Variants in SEC61A2 observed in about 807,000 individuals in gnomAD.
SEC61A2 encodes the protein protein transport protein Sec61 subunit alpha isoform 2.
A neutral mutation model predicts 59.9 loss-of-function variants in SEC61A2; 28 were observed. The observed-to-expected ratio is 0.47, with a 90% CI of 0.35 to 0.64. SEC61A2 has a LOEUF of 0.64. Ranked by LOEUF, SEC61A2 falls within the 30% of genes least tolerant of loss-of-function variation. The pLI, the probability that SEC61A2 is intolerant of heterozygous loss-of-function variation, is 0.01. For synonymous variants in SEC61A2, 202 were observed against 214.4 expected (o/e 0.94, Z 0.50); for missense variants, 340 against 585.9 (o/e 0.58, Z 4.33).
chr10:12,140,192 T>C (rs960007836), intron 3 of SEC61A2, among the ~76,000 whole-genome samples: 3 of 152,180 alleles, frequency 2.0e-5, no homozygotes, highest in Admixed American at 6.5e-5. Context: ...CTGTCTGTAA[T>C]TGGCTGAAAC....
rs941461373 is a variant in SEC61A2, at chr10:12,158,449, G to A, written c.975+344G>A. Reference sequence around the variant, plus strand: ...TGCTTTCTAAAAGATGCTATTTGCTGGCTGGGTGCGGTGGCTCACTCCTGT... The same window carrying A: ...TGCTTTCTAAAAGATGCTATTTGCTAGCTGGGTGCGGTGGCTCACTCCTGT... On this transcript the variant is annotated intron_variant, in intron 9 of 11. Transcript: ENST00000298428. This position sits in a 1 kb window ranked among gnomAD's most constrained non-coding sequence, Gnocchi z 5.7. Among the ~76,000 whole-genome samples, 1 of 152,140 alleles carries A rather than the reference G, an allele frequency of 6.6e-6. No individual in the cohort carries two copies. Among genetic ancestry groups the A allele is most frequent in the African/African-American group, 2.4e-5 (1 of 41,406 alleles).
chr10:12,166,233 C>T (rs1834686904), downstream of SEC61A2: 1 of 153,062 alleles, frequency 6.5e-6, no homozygotes, highest in Non-Finnish European at 1.5e-5. Context: ...CTGGGCTGCG[C>T]CCGTCTACGG....
At chr10:12,132,573 C>T (rs138905695) in intron 1 of SEC61A2, among the ~76,000 whole-genome samples, 81 of 151,186 alleles carry the variant, frequency 5.4e-4, no homozygotes, top group Non-Finnish European at 8.1e-4. Context: ...GAGATCGTGC[C>T]GCTGAACTGC....
rs1834381672 is a variant in SEC61A2, at chr10:12,155,689, C to T, written c.463-89C>T. On this transcript the variant is annotated intron_variant, in intron 6 of 11. Transcript: ENST00000298428. The surrounding 1 kb of genome is among the most constrained non-coding windows in gnomAD (Gnocchi z 4.3). ...CGATCAGGCCTTAATATTCAAAACG[C>T]CCCTAGCTTGGAAATAGCCAATGGT... The T allele has an allele frequency of 4.7e-6, 7 of 1,477,170 alleles. No individual in the cohort carries two copies. Among genetic ancestry groups the T allele is most frequent in the Non-Finnish European group, 5.6e-6 (6 of 1,066,366 alleles). The allele number at this position is 1,477,170 out of a possible 1,614,324, so 91.5% of individuals were successfully genotyped here. A position where few individuals can be genotyped will look rare whatever the true frequency, so the allele number is the denominator to read the frequency against.
At chr10:12,139,117 A>G (rs1260058947) in intron 3 of SEC61A2, among the ~76,000 whole-genome samples, 1 of 151,976 alleles carries the variant, frequency 6.6e-6, no homozygotes, top group East Asian at 2.0e-4. Flanking sequence ...ACGTGCTACC[A>G]TGCCCAGCCA....
At chr10:12,144,789 G>A (rs1346764876) in intron 4 of SEC61A2, among the ~76,000 whole-genome samples, 1 of 152,166 alleles carries the variant, frequency 6.6e-6, no homozygotes, top group Non-Finnish European at 1.5e-5. Flanking sequence ...AGGGGCTCAT[G>A]CCTGTGATCC....
At chr10:12,140,053 A>C (rs1490865245) in intron 3 of SEC61A2, among the ~76,000 whole-genome samples, 1 of 152,028 alleles carries the variant, frequency 6.6e-6, no homozygotes, top group Non-Finnish European at 1.5e-5. Context: ...GGGTGTGGGC[A>C]GTGAGCTTTT....
rs917461184 is a variant in SEC61A2, at chr10:12,160,019, T to C, written c.976-911T>C. On this transcript the variant is annotated intron_variant, in intron 9 of 11. Coordinates refer to ENST00000298428, the MANE Select transcript of SEC61A2 (RefSeq NM_018144.4). This position sits in a 1 kb window ranked among gnomAD's most constrained non-coding sequence, Gnocchi z 4.1. The stretch of plus-strand genomic sequence containing the variant: ...TTTAAGAGAAATGTGATGATCTCTG[T>C]TGTATTCTGGCTAATATTATATCGA... Among the ~76,000 whole-genome samples the C allele has an allele frequency of 2.0e-5, 3 of 152,228 alleles. No individual in the cohort carries two copies. The highest frequency in any genetic ancestry group is 7.2e-5 in the African/African-American group (3 of 41,470).
At position 12,143,235 on chromosome 10, in the gene SEC61A2, C is replaced by T. The variant is rs1308470784; in HGVS notation, c.220+40C>T. ...TCTGTCTCCACACTCCTACTCACAG[C>T]AAACAGATGGAAACATGTGGATTAG... On this transcript the variant is annotated intron_variant, in intron 4 of 11. Coordinates refer to ENST00000298428, the MANE Select transcript of SEC61A2 (RefSeq NM_018144.4). The surrounding 1 kb of genome is among the most constrained non-coding windows in gnomAD (Gnocchi z 4.8). The T allele has an allele frequency of 7.4e-7, 1 of 1,357,332 alleles. No individual in the cohort carries two copies. Among genetic ancestry groups the T allele is most frequent in the African/African-American group, 1.4e-5 (1 of 69,734 alleles). 84.1% of individuals were successfully genotyped at this position (1,357,332 alleles called of 1,614,324 possible). A position where few individuals can be genotyped will look rare whatever the true frequency, so the allele number is the denominator to read the frequency against.
chr10:12,169,127 C>T (rs1392486978), downstream of SEC61A2: 16 of 563,588 alleles, frequency 2.8e-5, no homozygotes, highest in Middle Eastern at 3.1e-4. The surrounding 1 kb of genome is among the most constrained non-coding windows in gnomAD (Gnocchi z 4.8). Flanking sequence ...GTTGAATAAA[C>T]GGTTTGATTA....
chr10:12,138,847 A>T (rs1156835109), intron 3 of SEC61A2, among the ~76,000 whole-genome samples: 1 of 152,198 alleles, frequency 6.6e-6, no homozygotes, highest in Non-Finnish European at 1.5e-5. Flanking sequence ...CTTTCTGTGG[A>T]TATTTTTCAT....
At position 12,152,221 on chromosome 10, in the gene SEC61A2, C is replaced by A. The variant is rs1463080853; in HGVS notation, c.462+2260C>A. Reference sequence around the variant, plus strand: ...TCAGCCTCCCCGGTAGCTGGAATTACAGGGTCCTGCCACCACGTCCAGCTA... The same window carrying A: ...TCAGCCTCCCCGGTAGCTGGAATTAAAGGGTCCTGCCACCACGTCCAGCTA... On this transcript the variant is annotated intron_variant, in intron 6 of 11. Coordinates refer to ENST00000298428, the MANE Select transcript of SEC61A2 (RefSeq NM_018144.4). This position sits in a 1 kb window ranked among gnomAD's most constrained non-coding sequence, Gnocchi z 5.5. Among the ~76,000 whole-genome samples the A allele has an allele frequency of 6.6e-6, 1 of 152,084 alleles. No individual in the cohort carries two copies. Among genetic ancestry groups the A allele is most frequent in the Non-Finnish European group, 1.5e-5 (1 of 68,030 alleles).
At position 12,158,769 on chromosome 10, in the gene SEC61A2, C is replaced by T. The variant is rs1564415827; in HGVS notation, c.975+664C>T. 6.6e-6 allele frequency among the ~76,000 whole-genome samples: 1 copy of T among 152,070 alleles called. No individual in the cohort carries two copies. Among genetic ancestry groups the T allele is most frequent in the Non-Finnish European group, 1.5e-5 (1 of 68,010 alleles). ...AAAAAATGCTATTTGCTGCTGCTAACATGTGAGATACTGGACTCATCCTAA... is the reference window on the plus strand; with the variant it reads ...AAAAAATGCTATTTGCTGCTGCTAATATGTGAGATACTGGACTCATCCTAA... On this transcript the variant is annotated intron_variant, in intron 9 of 11. Transcript: ENST00000298428. The surrounding 1 kb of genome is among the most constrained non-coding windows in gnomAD (Gnocchi z 5.7).
Position 12,164,266 on chromosome 10 carries a change from A to G in SEC61A2, c.1245-2A>G, listed in dbSNP as rs1481825993. On this transcript the variant is annotated splice_acceptor_variant, in intron 11 of 11. Transcript: ENST00000298428. LOFTEE classifies it high-confidence loss of function. This position sits in a 1 kb window ranked among gnomAD's most constrained non-coding sequence, Gnocchi z 7.3. ...CGCCTAACTTGGGGTTCTGTCTCCT[A>G]GGTACATCCCCACCGCAGCTGCGTT... 6.2e-7 allele frequency: 1 copy of G among 1,612,558 alleles called. No homozygotes were observed. Among genetic ancestry groups the G allele is most frequent in the Non-Finnish European group, 8.5e-7 (1 of 1,179,984 alleles).
chr10:12,162,095 A>C lies in SEC61A2; in HGVS notation c.1168-118A>C. On this transcript the variant is annotated intron_variant, in intron 10 of 11. Transcript: ENST00000298428. This position sits in a 1 kb window ranked among gnomAD's most constrained non-coding sequence, Gnocchi z 6.1. Reference sequence around the variant, plus strand: ...TTAATGCGAATGATATGACAATGCAACTTTCAGGTTATTGTATGTTACGTG... The same window carrying C: ...TTAATGCGAATGATATGACAATGCACCTTTCAGGTTATTGTATGTTACGTG... 1.3e-6 allele frequency: 1 copy of C among 782,852 alleles called. No homozygotes were observed. The highest frequency in any genetic ancestry group is 1.6e-5 in the South Asian group (1 of 63,082). 48.5% of individuals were successfully genotyped at this position (782,852 alleles called of 1,614,324 possible).
At position 12,135,791 on chromosome 10, in the gene SEC61A2, A is replaced by G. The variant is rs1046890260; in HGVS notation, c.76-314A>G. 2.0e-5 allele frequency among the ~76,000 whole-genome samples: 3 copies of G among 152,184 alleles called. No individual in the cohort carries two copies. The East Asian group carries it at 5.8e-4, about 29-fold the overall frequency. On this transcript the variant is annotated intron_variant, in intron 2 of 11. Transcript: ENST00000298428. ...TTCCATCCAGGTTGCTGCAAGGGAC[A>G]TGGTTTCATTCTTTTCATGGCTCAG...
intron 4 of SEC61A2, among the ~76,000 whole-genome samples, chr10:12,146,115 G>C (rs980597438): frequency 4.6e-5 from 7 of 152,124 alleles, no homozygotes; most frequent in African/African-American, 1.7e-4. Flanking sequence ...CCACTTCTCA[G>C]GTTCAAGCGA....
chr10:12,169,502 C>T (rs1274117970), downstream of SEC61A2: 1 of 544,588 alleles, frequency 1.8e-6, no homozygotes, highest in East Asian at 3.1e-5. The surrounding 1 kb of genome is among the most constrained non-coding windows in gnomAD (Gnocchi z 4.8). Flanking sequence ...CGAGTCGGGC[C>T]TGTGACTCCG....
rs1315601474 is a variant in SEC61A2, at chr10:12,158,181, A to T, written c.975+76A>T. ...TCATGGTTGTATTTTTAATGGAATG[A>T]GGTCGACATTGGAGCATTTGCTGTA... On this transcript the variant is annotated intron_variant, in intron 9 of 11. Transcript: ENST00000298428. This position sits in a 1 kb window ranked among gnomAD's most constrained non-coding sequence, Gnocchi z 5.7. 8.6e-7 allele frequency: 1 copy of T among 1,166,804 alleles called. No homozygotes were observed. Among genetic ancestry groups the T allele is most frequent in the Non-Finnish European group, 1.2e-6 (1 of 805,068 alleles). The allele number at this position is 1,166,804 out of a possible 1,614,324, so 72.3% of individuals were successfully genotyped here. A position where few individuals can be genotyped will look rare whatever the true frequency, so the allele number is the denominator to read the frequency against.
Sources: gnomAD v4.1 joint callset for allele counts (sites outside exome capture counted in the v4.1 genomes callset) on GRCh38, gnomAD v4.1.1 for gene constraint, Gnocchi (gnomAD v3.1) non-coding constraint, MANE v1.5 for transcripts, NCBI Gene and HGNC (gene_info 2026-07-23, HGNC 2026-07-21) for gene names.